The following NEDD8 variants were observed in gnomAD, a reference collection of about 807,000 sequenced individuals.
NEDD8 encodes NEDD8 ubiquitin like modifier.
Under a neutral mutation model 13.8 loss-of-function variants are expected in NEDD8, and 1 was observed. The observed-to-expected ratio is 0.07, with a 90% confidence interval of 0.03 to 0.34. The LOEUF (loss-of-function observed/expected upper bound fraction) is 0.34, where lower values mean the gene tolerates loss of function less well. NEDD8 is among the 10% of genes least tolerant of loss of function. The pLI, the probability that NEDD8 is intolerant of heterozygous loss-of-function variation, is 0.99. For synonymous variants in NEDD8, 31 were observed against 33.2 expected (o/e 0.93, Z 0.23); for missense variants, 10 against 95.2 (o/e 0.10, Z 3.73).
rs1230682150 is a variant in NEDD8 at position 24,232,182 on chromosome 14, C to A, written c.18+68G>T. 8 of 1,610,012 alleles carry A rather than the reference C, an allele frequency of 5.0e-6. No individual in the cohort carries two copies. The African/African-American group carries it at 5.3e-5, about 11-fold the overall frequency. Reference sequence around the variant, plus strand: ...GGAAAGGCGTGGTTTTCCTTCCCCACGTCTCCCGTAAGGCACTGCTGCCAG... The same window carrying A: ...GGAAAGGCGTGGTTTTCCTTCCCCAAGTCTCCCGTAAGGCACTGCTGCCAG... On this transcript the variant is annotated intron_variant, in intron 1 of 3. Coordinates refer to ENST00000250495, the MANE Select transcript of NEDD8 (RefSeq NM_006156.3).
intron 1 of NEDD8, among the ~76,000 whole-genome samples, chr14:24,225,329 T>G (rs2039875119): frequency 6.6e-6 from 1 of 152,134 alleles, no homozygotes; most frequent in African/African-American, 2.4e-5. Flanking sequence ...GTATGGATCT[T>G]AATTGGATCC....
intron 1 of NEDD8, among the ~76,000 whole-genome samples, chr14:24,229,237 T>G (rs898453396): frequency 6.6e-6 from 1 of 152,230 alleles, no homozygotes; most frequent in Admixed American, 6.5e-5. Flanking sequence ...TTATTTATTT[T>G]TTGAGACAGT....
intron 1 of NEDD8, among the ~76,000 whole-genome samples, chr14:24,229,386 AT>A (rs760939746): frequency 1.3e-5 from 2 of 152,042 alleles, no homozygotes; most frequent in Non-Finnish European, 2.9e-5. Flanking sequence ...CACTCGGCTA[AT>A]TTTTGTATTT....
intron 1 of NEDD8, 23 bp from the exon 2 acceptor site, chr14:24,218,454 G>A (rs2039745395): frequency 1.2e-6 from 2 of 1,614,226 alleles, no homozygotes; most frequent in Non-Finnish European, 1.7e-6. Flanking sequence ...ATGGTTTCAT[G>A]AGTCCTTAAA....
chr14:24,230,901 AG>A (rs1235728254), intron 1 of NEDD8, among the ~76,000 whole-genome samples: 2 of 151,966 alleles, frequency 1.3e-5, no homozygotes, highest in African/African-American at 4.8e-5. Context: ...TACAGGCGTG[AG>A]CCACTGGGCC....
rs1318153752 is a variant in NEDD8, at chr14:24,217,067, G to A, written c.*60C>T. ...CAGTGGCTATGGTGTCCCAGAGAGT[G>A]AGAGGATATATGATGCCTCATTATG... On this transcript the variant is annotated 3_prime_UTR_variant, in exon 4 of 4. Transcript: ENST00000250495. 18 of 1,360,338 alleles carry A rather than the reference G, an allele frequency of 1.3e-5. No individual in the cohort carries two copies. Among genetic ancestry groups the A allele is most frequent in the Admixed American group, 9.7e-5 (5 of 51,718 alleles). The allele number at this position is 1,360,338 out of a possible 1,614,324, so 84.3% of individuals were successfully genotyped here. A position where few individuals can be genotyped will look rare whatever the true frequency, so the allele number is the denominator to read the frequency against.
chr14:24,222,345 T>G (rs1414383472), intron 1 of NEDD8, among the ~76,000 whole-genome samples: 1 of 152,202 alleles, frequency 6.6e-6, no homozygotes, highest in Non-Finnish European at 1.5e-5. Context: ...GTATATAGAG[T>G]ATAATTAAAA....
chr14:24,221,124 T>C (rs1292221337), intron 1 of NEDD8, among the ~76,000 whole-genome samples: 2 of 152,200 alleles, frequency 1.3e-5, no homozygotes, highest in African/African-American at 2.4e-5. Context: ...CAGCAGCCTA[T>C]GGTAAAATGA....
intron 1 of NEDD8, among the ~76,000 whole-genome samples, chr14:24,229,427 C>T (rs186809457): frequency 6.6e-6 from 1 of 152,226 alleles, no homozygotes; most frequent in Admixed American, 6.5e-5. Context: ...ACCATGTTGG[C>T]CAGGCTGGTC....
At chr14:24,232,034 T>A (rs537454867) in intron 1 of NEDD8, 2 of 652,596 alleles carry the variant, frequency 3.1e-6, no homozygotes, top group Non-Finnish European at 5.0e-6. Context: ...AAAGCAGGCA[T>A]GGCAAAATAC....
At chr14:24,229,256 G>T (rs911081863) in intron 1 of NEDD8, among the ~76,000 whole-genome samples, 1 of 152,182 alleles carries the variant, frequency 6.6e-6, no homozygotes, top group African/African-American at 2.4e-5. Flanking sequence ...GTCTCACTCT[G>T]TTGCCCAGGC....
At chr14:24,222,419 T>C (rs1217021203) in intron 1 of NEDD8, among the ~76,000 whole-genome samples, 4 of 152,226 alleles carry the variant, frequency 2.6e-5, no homozygotes, top group African/African-American at 2.4e-5. Flanking sequence ...ATATACAGTA[T>C]ATTAATGCTT....
At chr14:24,224,881 C>T (rs1379413764) in intron 1 of NEDD8, among the ~76,000 whole-genome samples, 1 of 152,068 alleles carries the variant, frequency 6.6e-6, no homozygotes, top group Admixed American at 6.6e-5. Flanking sequence ...CATGGGAGCC[C>T]GTTGTGGTGT....
intron 1 of NEDD8, among the ~76,000 whole-genome samples, chr14:24,223,541 ATATTTATT>A (rs754642504): frequency 3.7e-4 from 57 of 152,006 alleles, no homozygotes; most frequent in African/African-American, 1.2e-3. Flanking sequence ...AAAGTTTTTT[ATATTTATT>A]TATTTATTTA....
At chr14:24,227,141 G>A (rs2039902760) in intron 1 of NEDD8, 1 of 152,162 alleles carries the variant, frequency 6.6e-6, no homozygotes, top group Admixed American at 6.5e-5. Context: ...ACTCTTGAGG[G>A]GGTAGGAATA....
At chr14:24,217,311 A>C in intron 3 of NEDD8, 88 bp from the exon 4 acceptor site, 1 of 1,127,622 alleles carries the variant, frequency 8.9e-7, no homozygotes, top group South Asian at 1.4e-5. Flanking sequence ...GTTGTTTTTG[A>C]CAGAGTCTCG....
intron 1 of NEDD8, among the ~76,000 whole-genome samples, chr14:24,219,301 A>AAAC (rs147656745): frequency 0.1 from 15,374 of 148,734 alleles, 1,988 homozygotes; most frequent in African/African-American, 0.31. Context: ...GTCTCAACCA[A>AAAC]AACAACAACA....
chr14:24,223,707 CCTGG>C (rs904746547), intron 1 of NEDD8, among the ~76,000 whole-genome samples: 3 of 150,414 alleles, frequency 2.0e-5, no homozygotes, highest in Admixed American at 2.0e-4. Flanking sequence ...CACCACCATG[CCTGG>C]CTAATTCTTT....
At chr14:24,229,124 C>A (rs1247187445) in intron 1 of NEDD8, among the ~76,000 whole-genome samples, 6 of 152,224 alleles carry the variant, frequency 3.9e-5, no homozygotes, top group Non-Finnish European at 7.3e-5. Context: ...CTTAGACCCA[C>A]AGAATCATAA....
Sources: gnomAD v4.1 joint callset for allele counts (sites outside exome capture counted in the v4.1 genomes callset) on GRCh38, gnomAD v4.1.1 for gene constraint, MANE v1.5 for transcripts, NCBI Gene and HGNC (gene_info 2026-07-23, HGNC 2026-07-21) for gene names.